The following KCNIP4 variants were observed in gnomAD, a reference collection of about 807,000 sequenced individuals.
KCNIP4 encodes potassium voltage-gated channel interacting protein 4, also known as Kv channel-interacting protein 4.
In KCNIP4, 12 loss-of-function variants were observed where a neutral mutation model predicts 34.0. That is an observed-to-expected ratio of 0.35 (90% CI 0.23 to 0.57). The LOEUF is 0.57. KCNIP4 is among the 20% of genes least tolerant of loss of function. The pLI, the probability that KCNIP4 is intolerant of heterozygous loss-of-function variation, is 0.83. For synonymous variants in KCNIP4, 124 were observed against 102.2 expected (o/e 1.21, Z -1.29); for missense variants, 238 against 311.7 (o/e 0.76, Z 1.78).
chr4:21,573,243 C>T (rs544767829), intron 1 of KCNIP4, among the ~76,000 whole-genome samples: 32 of 152,220 alleles, frequency 2.1e-4, no homozygotes, highest in African/African-American at 7.2e-4. Context: ...GTACCAGGAA[C>T]TTTAAATGTA....
chr4:21,747,821 A>G (rs1164644207), intron 1 of KCNIP4, among the ~76,000 whole-genome samples: 1 of 152,138 alleles, frequency 6.6e-6, no homozygotes, highest in African/African-American at 2.4e-5. Context: ...TCCAAATATA[A>G]CTAAGGTAAA....
intron 1 of KCNIP4, among the ~76,000 whole-genome samples, chr4:20,906,150 G>C (rs923674): frequency 6.9e-6 from 1 of 145,600 alleles, no homozygotes; most frequent in Non-Finnish European, 1.5e-5. Flanking sequence ...CTCTCTTGTC[G>C]GGCAGCCTCC....
At chr4:20,795,968 A>T (rs1382202390) in intron 3 of KCNIP4, among the ~76,000 whole-genome samples, 3 of 152,172 alleles carry the variant, frequency 2.0e-5, no homozygotes, top group Non-Finnish European at 4.4e-5. Context: ...ATACACACAC[A>T]CACGTCAATT....
At chr4:20,862,469 A>G (rs1346997360) in intron 2 of KCNIP4, among the ~76,000 whole-genome samples, 1 of 152,182 alleles carries the variant, frequency 6.6e-6, no homozygotes, top group Non-Finnish European at 1.5e-5. Context: ...AAAGAGATTG[A>G]TATACTAGTC....
chr4:20,946,770 T>C (rs922016725), intron 1 of KCNIP4, among the ~76,000 whole-genome samples: 4 of 152,160 alleles, frequency 2.6e-5, no homozygotes, highest in African/African-American at 9.7e-5. Flanking sequence ...TGGTGTGAGT[T>C]AGTACAGGAT....
chr4:21,421,258 A>T (rs1725428349), intron 1 of KCNIP4, among the ~76,000 whole-genome samples: 1 of 152,174 alleles, frequency 6.6e-6, no homozygotes, highest in Non-Finnish European at 1.5e-5. Context: ...TGATCCAGCA[A>T]TCTCATTTCT....
chr4:21,535,696 T>G (rs1245856116), intron 1 of KCNIP4, among the ~76,000 whole-genome samples: 1 of 152,206 alleles, frequency 6.6e-6, no homozygotes, highest in African/African-American at 2.4e-5. Flanking sequence ...TACTTCTATA[T>G]GAATTGGAGA....
intron 1 of KCNIP4, among the ~76,000 whole-genome samples, chr4:21,074,631 G>A (rs1184762209): frequency 9.2e-5 from 14 of 151,784 alleles, no homozygotes; most frequent in Non-Finnish European, 1.8e-4. Flanking sequence ...TTGTGTCTCT[G>A]TCTCCTTCAG....
chr4:21,280,582 A>G (rs1475233180), intron 1 of KCNIP4, among the ~76,000 whole-genome samples: 2 of 152,168 alleles, frequency 1.3e-5, no homozygotes, highest in Non-Finnish European at 2.9e-5. Context: ...ATATCATAAC[A>G]CTTTTCTCTC....
chr4:21,334,214 C>A (rs187770150), intron 1 of KCNIP4, among the ~76,000 whole-genome samples: 2 of 152,036 alleles, frequency 1.3e-5, no homozygotes. Flanking sequence ...ATAAATTATT[C>A]CTTTTTCTCA....
At chr4:21,231,236 T>C (rs1032547287) in intron 1 of KCNIP4, among the ~76,000 whole-genome samples, 28 of 152,332 alleles carry the variant, frequency 1.8e-4, no homozygotes, top group African/African-American at 6.3e-4. Flanking sequence ...TAAAGGGCTA[T>C]GAATTTATTC....
chr4:21,220,524 G>A (rs1355149979), intron 1 of KCNIP4, among the ~76,000 whole-genome samples: 2 of 152,014 alleles, frequency 1.3e-5, no homozygotes, highest in South Asian at 4.1e-4. Context: ...AAACCTGCAC[G>A]TTGTGCAAAT....
chr4:21,776,059 C>A (rs1719155087), intron 1 of KCNIP4, among the ~76,000 whole-genome samples: 1 of 152,192 alleles, frequency 6.6e-6, no homozygotes, highest in Admixed American at 6.5e-5. Context: ...GGACACTAAG[C>A]CCTGGTGGCA....
intron 1 of KCNIP4, among the ~76,000 whole-genome samples, chr4:21,408,537 A>C (rs1310235468): frequency 6.6e-6 from 1 of 152,118 alleles, no homozygotes; most frequent in African/African-American, 2.4e-5. Flanking sequence ...TTGAGGAGAG[A>C]GGTTTCAGGA....
intron 1 of KCNIP4, among the ~76,000 whole-genome samples, chr4:21,356,788 A>G (rs989317800): frequency 5.3e-5 from 8 of 152,160 alleles, no homozygotes; most frequent in African/African-American, 1.9e-4. Flanking sequence ...GCTACCAATG[A>G]CTTTCTTCAC....
intron 1 of KCNIP4, among the ~76,000 whole-genome samples, chr4:21,062,541 T>C (rs1357137253): frequency 6.6e-6 from 1 of 151,872 alleles, no homozygotes; most frequent in Non-Finnish European, 1.5e-5. Flanking sequence ...TGTGTGTGTG[T>C]GTGTGTGTGT....
intron 3 of KCNIP4, among the ~76,000 whole-genome samples, chr4:20,763,951 T>C (rs1755170583): frequency 1.3e-5 from 2 of 152,190 alleles, no homozygotes; most frequent in Non-Finnish European, 2.9e-5. Context: ...TTGCTTCAAG[T>C]AAACAAGTAC....
At chr4:21,943,793 A>G (rs1730334531) in intron 1 of KCNIP4, among the ~76,000 whole-genome samples, 1 of 152,104 alleles carries the variant, frequency 6.6e-6, no homozygotes, top group South Asian at 2.1e-4. Context: ...CAGTTAGTGC[A>G]AATAGGATGT....
chr4:21,576,092 A>G (rs2109061274), intron 1 of KCNIP4, among the ~76,000 whole-genome samples: 2 of 152,324 alleles, frequency 1.3e-5, no homozygotes, highest in Middle Eastern at 3.4e-3. Flanking sequence ...GAGTTGGCCT[A>G]TTGTGTGAGG....
Sources: allele counts gnomAD v4.1 joint callset (sites outside exome capture counted in the v4.1 genomes callset), GRCh38; gene constraint gnomAD v4.1.1; transcripts MANE v1.5; gene names NCBI Gene and HGNC (gene_info 2026-07-23, HGNC 2026-07-21).